The following PCDHGB1 variants were observed in gnomAD, a reference collection of about 807,000 sequenced individuals.
PCDHGB1 encodes protocadherin gamma subfamily B, 1, also known as protocadherin gamma-B1.
Under a neutral mutation model 56.6 loss-of-function variants are expected in PCDHGB1, and 34 were observed. That is an observed-to-expected ratio of 0.60 (90% CI 0.46 to 0.80). The LOEUF is 0.80. PCDHGB1 is among the 30% of genes least tolerant of loss of function. The pLI, the probability that PCDHGB1 is intolerant of heterozygous loss-of-function variation, is 0.00. For synonymous variants in PCDHGB1, 561 were observed against 505.9 expected (o/e 1.11, Z -1.46); for missense variants, 1,278 against 1,204.6 (o/e 1.06, Z -0.90).
Position 141,511,380 on chromosome 5 carries a change from C to T in PCDHGB1, c.*207C>T, listed in dbSNP as rs896762148. 1.5e-5 allele frequency: 18 copies of T among 1,170,372 alleles called. No homozygotes were observed. The highest frequency in any genetic ancestry group is 3.0e-4 in the Middle Eastern group (1 of 3,384). 72.5% of individuals were successfully genotyped at this position (1,170,372 alleles called of 1,614,324 possible). ...GGGGTTGAATATGCAAAAGCAGTTC[C>T]GCTGGGAACCCCCATCCAATCAACT... is the stretch of plus-strand genomic sequence containing the variant. On this transcript the variant is annotated 3_prime_UTR_variant, in exon 4 of 4. Coordinates refer to ENST00000523390, the MANE Select transcript of PCDHGB1 (RefSeq NM_018922.3).
chr5:141,500,216 ATT>A (rs1562194139), intron 2 of PCDHGB1, among the ~76,000 whole-genome samples: 8 of 149,244 alleles, frequency 5.4e-5, no homozygotes, highest in African/African-American at 2.0e-4. Flanking sequence ...TTATTTATTT[ATT>A]TATTTATTGA....
chr5:141,408,914 A>G lies in PCDHGB1; in HGVS notation c.2409+56245A>G, dbSNP rs776105035. ...AATTTCTGTCAAGGATACCAATGAT[A>G]ACCCCCCGGTTTTCAGCAGAGACGA... On this transcript the variant is annotated intron_variant, in intron 1 of 3. Coordinates refer to ENST00000523390, the MANE Select transcript of PCDHGB1 (RefSeq NM_018922.3). The G allele has an allele frequency of 1.2e-5, 20 of 1,613,446 alleles. No homozygotes were observed. The South Asian group carries it at 2.1e-4, about 17-fold the overall frequency.
chr5:141,375,963 G>C (rs371650654), intron 1 of PCDHGB1: 4 of 1,613,262 alleles, frequency 2.5e-6, no homozygotes, highest in Non-Finnish European at 2.5e-6. Flanking sequence ...GGCGAGGTGC[G>C]CACGGCGCGC....
At chr5:141,510,519 C>A (rs182721864) in intron 3 of PCDHGB1, among the ~76,000 whole-genome samples, 1 of 152,260 alleles carries the variant, frequency 6.6e-6, no homozygotes, top group East Asian at 1.9e-4. Context: ...CGTGTCACAG[C>A]CCTGAGAGAA....
chr5:141,403,181 C>G (rs1182793881), intron 1 of PCDHGB1: 2 of 1,614,006 alleles, frequency 1.2e-6, no homozygotes, highest in Non-Finnish European at 1.7e-6. Context: ...GCTTTTCTCT[C>G]TGAACCCGCG....
intron 1 of PCDHGB1, chr5:141,355,191 C>G: frequency 6.3e-7 from 1 of 1,591,882 alleles, no homozygotes; most frequent in East Asian, 2.2e-5. Flanking sequence ...GACTCCGCGG[C>G]GGGGTTGTAA....
chr5:141,418,891 C>G (rs774546487), intron 1 of PCDHGB1: 4 of 1,613,842 alleles, frequency 2.5e-6, no homozygotes, highest in East Asian at 2.2e-5. Context: ...ACGACAACAG[C>G]CCAGAAATAA....
chr5:141,494,729 C>T (rs2099756368), intron 1 of PCDHGB1, 78 bp from the exon 2 acceptor site: 31 of 1,610,050 alleles, frequency 1.9e-5, no homozygotes, highest in Admixed American at 3.3e-5. Flanking sequence ...CCTTCTCTCC[C>T]GGCCCATCCC....
chr5:141,473,308 A>G (rs1248143328), intron 1 of PCDHGB1, among the ~76,000 whole-genome samples: 1 of 152,234 alleles, frequency 6.6e-6, no homozygotes, highest in Non-Finnish European at 1.5e-5. Context: ...AGATTGCTAT[A>G]TTAATAAGCA....
chr5:141,371,872 C>A, intron 1 of PCDHGB1: 1 of 1,613,534 alleles, frequency 6.2e-7, no homozygotes, highest in Non-Finnish European at 8.5e-7. Context: ...TACATCGTGG[C>A]CAGTGACCTG....
chr5:141,428,358 G>T, intron 1 of PCDHGB1: 1 of 565,492 alleles, frequency 1.8e-6, no homozygotes, highest in Non-Finnish European at 3.2e-6. Flanking sequence ...TGATTTTGGC[G>T]GTCGCCTTGC....
chr5:141,362,239 C>T, intron 1 of PCDHGB1: 1 of 1,614,060 alleles, frequency 6.2e-7, no homozygotes, highest in Non-Finnish European at 8.5e-7. Flanking sequence ...GATCTCAGTG[C>T]TCTTCTTCCT....
intron 1 of PCDHGB1, chr5:141,410,517 C>T: frequency 6.2e-7 from 1 of 1,613,926 alleles, no homozygotes; most frequent in Non-Finnish European, 8.5e-7. Flanking sequence ...TGCAGTGTGC[C>T]CCTACATTCC....
At chr5:141,416,698 A>G (rs2096053724) in intron 1 of PCDHGB1, 1 of 152,250 alleles carries the variant, frequency 6.6e-6, no homozygotes, top group Non-Finnish European at 1.5e-5. Context: ...TAAACAAAGG[A>G]TCATTGGAGG....
Position 141,404,273 on chromosome 5 carries a change from C to A in PCDHGB1, c.2409+51604C>A, listed in dbSNP as rs751189949. 4.3e-6 allele frequency: 7 copies of A among 1,613,988 alleles called. No homozygotes were observed. The highest frequency in any genetic ancestry group is 5.9e-6 in the Non-Finnish European group (7 of 1,179,880). On this transcript the variant is annotated intron_variant, in intron 1 of 3. Coordinates refer to ENST00000523390, the MANE Select transcript of PCDHGB1 (RefSeq NM_018922.3). ...GTCCACAGAAATTCACATCACCCTG[C>A]AAGTGACTGACATCAATGATAATCC...
intron 1 of PCDHGB1, among the ~76,000 whole-genome samples, chr5:141,406,975 C>A (rs1434644612): frequency 6.6e-6 from 1 of 152,108 alleles, no homozygotes; most frequent in African/African-American, 2.4e-5. Flanking sequence ...TAGTAAATAA[C>A]ATTTCACAAG....
At position 141,431,784 on chromosome 5, in the gene PCDHGB1, A is replaced by G; in HGVS notation, c.2410-63023A>G. On this transcript the variant is annotated intron_variant, in intron 1 of 3. Coordinates refer to ENST00000523390, the MANE Select transcript of PCDHGB1 (RefSeq NM_018922.3). The surrounding 1 kb of genome is among the most constrained non-coding windows in gnomAD (Gnocchi z 4.8). ...CTGATCACTGTTCTGGACGTGAACG[A>G]CAATGCCCCAGAAGTGGTCCTCACC... 1 of 1,614,220 alleles carries G rather than the reference A, an allele frequency of 6.2e-7. No individual in the cohort carries two copies. Among genetic ancestry groups the G allele is most frequent in the Non-Finnish European group, 8.5e-7 (1 of 1,180,022 alleles).
intron 1 of PCDHGB1, chr5:141,409,850 G>T (rs1301108879): frequency 6.2e-7 from 1 of 1,612,142 alleles, no homozygotes; most frequent in South Asian, 1.1e-5. Context: ...GAGCCTGCGC[G>T]TGTTGGTGGG....
chr5:141,360,524 C>A (rs750300207), intron 1 of PCDHGB1: 2 of 1,613,860 alleles, frequency 1.2e-6, no homozygotes, highest in Non-Finnish European at 8.5e-7. Flanking sequence ...AATGATAATA[C>A]CCCGCTATTC....
Sources: gnomAD v4.1 joint callset for allele counts (sites outside exome capture counted in the v4.1 genomes callset) on GRCh38, gnomAD v4.1.1 for gene constraint, Gnocchi (gnomAD v3.1) non-coding constraint, MANE v1.5 for transcripts, NCBI Gene and HGNC (gene_info 2026-07-23, HGNC 2026-07-21) for gene names.